CDK6: variants seen among roughly 807,000 people sequenced by gnomAD.
The protein encoded by CDK6 is cyclin dependent kinase 6.
In CDK6, 6 loss-of-function variants were observed where a neutral mutation model predicts 37.1. That is an observed-to-expected ratio of 0.16 (90% confidence interval 0.09 to 0.32). The LOEUF (loss-of-function observed/expected upper bound fraction) is 0.32. CDK6 is among the 10% of genes least tolerant of loss of function. CDK6 has a pLI of 1.00. For synonymous variants in CDK6, 160 were observed against 161.3 expected, an observed-to-expected ratio of 0.99 and a Z score of 0.06; for missense variants, 224 against 418.9, an observed-to-expected ratio of 0.53 and a Z score of 4.06.
chr7:92,613,229 T>C lies in CDK6; in HGVS notation c.*1911A>G. ...GAGAAACATCTCCTAGTTTTTTCTC[T>C]TGTTCAAGATAGTCATATATCACAT... On this transcript the variant is annotated 3_prime_UTR_variant, in exon 8 of 8. Transcript: ENST00000424848. The C allele has an allele frequency of 4.3e-6, 1 of 233,282 alleles. No homozygotes were observed. Among genetic ancestry groups the C allele is most frequent in the East Asian group, 6.0e-5 (1 of 16,570 alleles). 14.5% of individuals were successfully genotyped at this position (233,282 alleles called of 1,614,324 possible). A position where few individuals can be genotyped will look rare whatever the true frequency, so the allele number is the denominator to read the frequency against.
At chr7:92,785,956 CT>C (rs1800121187) in intron 2 of CDK6, among the ~76,000 whole-genome samples, 1 of 152,140 alleles carries the variant, frequency 6.6e-6, no homozygotes, top group African/African-American at 2.4e-5. Context: ...TTTCCCTTGA[CT>C]AGTTAGAAAA....
intron 2 of CDK6, among the ~76,000 whole-genome samples, chr7:92,787,519 G>T (rs1049050396): frequency 1.3e-5 from 2 of 151,972 alleles, no homozygotes; most frequent in African/African-American, 4.8e-5. Flanking sequence ...TGTCCACTTA[G>T]AATATAAATT....
chr7:92,816,020 A>T (rs73408713), intron 2 of CDK6, among the ~76,000 whole-genome samples: 1 of 152,190 alleles, frequency 6.6e-6, no homozygotes, highest in Non-Finnish European at 1.5e-5. Flanking sequence ...CAACAACAAA[A>T]GAGACAAACT....
rs549799948 is a variant in CDK6, at chr7:92,786,277, CA to C, written c.234-11447del. Among the ~76,000 whole-genome samples the C allele has an allele frequency of 2.0e-3, 301 of 152,290 alleles. 3 individuals carry two copies. The highest frequency in any genetic ancestry group is 1.9e-3 in the Non-Finnish European group (128 of 68,018). On this transcript the variant is annotated intron_variant, in intron 2 of 7. Transcript: ENST00000424848. Reference sequence around the variant, plus strand: ...ACCAAGCTTTACCTACACTGTAAGCCAAAAACCTTTCATAATCACATCCTTA... The same window carrying C: ...ACCAAGCTTTACCTACACTGTAAGCCAAAACCTTTCATAATCACATCCTTA...
intron 2 of CDK6, among the ~76,000 whole-genome samples, chr7:92,812,399 T>C (rs905026253): frequency 6.6e-6 from 1 of 151,424 alleles, no homozygotes; most frequent in Non-Finnish European, 1.5e-5. Flanking sequence ...CTTCAGACTT[T>C]TAATTTAAAT....
chr7:92,636,317 G>A (rs1033382740), intron 5 of CDK6, among the ~76,000 whole-genome samples: 6 of 151,974 alleles, frequency 3.9e-5, no homozygotes, highest in Admixed American at 2.0e-4. Flanking sequence ...CCTTAGCCTC[G>A]CAAAGTGCTG....
rs567353004 is a variant in CDK6, at chr7:92,612,690, T to C, written c.*2450A>G. 1.3e-5 allele frequency: 3 copies of C among 233,058 alleles called. No homozygotes were observed. The highest frequency in any genetic ancestry group is 2.5e-5 in the Non-Finnish European group (3 of 117,994). The allele number at this position is 233,058 out of a possible 1,614,324, so 14.4% of individuals were successfully genotyped here. On this transcript the variant is annotated 3_prime_UTR_variant, in exon 8 of 8. Coordinates refer to ENST00000424848, the MANE Select transcript of CDK6 (RefSeq NM_001145306.2). ...CTAGAAATGAGTCAAAAGCAGATGC[T>C]AGGAATAAAAGTTGAGCTCTCTACT...
chr7:92,725,629 T>C lies in CDK6; in HGVS notation c.534A>G (p.Ser178=), dbSNP rs1441090717. 6.2e-7 allele frequency: 1 copy of C among 1,611,674 alleles called. No individual in the cohort carries two copies. Among genetic ancestry groups the C allele is most frequent in the African/African-American group, 1.3e-5 (1 of 74,780 alleles). The change falls in exon 4 of 8, where the codon TCA becomes TCG. Residue 178 remains serine (S), a synonymous_variant. Transcript: ENST00000424848. ...RIYSFQMALT[S]VVVTLWYRAP... ...AGGACAGCACTCTCTCACTCACCAC[T>C]GAGGTTAGAGCCATCTGGAAACTAT...
At chr7:92,767,574 T>A (rs1056321474) in intron 3 of CDK6, among the ~76,000 whole-genome samples, 3 of 152,176 alleles carry the variant, frequency 2.0e-5, no homozygotes, top group Non-Finnish European at 4.4e-5. Flanking sequence ...TGGAATATAC[T>A]CAGTATTGAC....
chr7:92,654,547 T>G (rs1473469402), intron 5 of CDK6, among the ~76,000 whole-genome samples: 1 of 152,168 alleles, frequency 6.6e-6, no homozygotes, highest in African/African-American at 2.4e-5. Context: ...CTCTTATGTC[T>G]CTGTCCCCAC....
At position 92,612,293 on chromosome 7, in the gene CDK6, A is replaced by T. The variant is rs1177670044; in HGVS notation, c.*2847T>A. On this transcript the variant is annotated 3_prime_UTR_variant, in exon 8 of 8. Coordinates refer to ENST00000424848, the MANE Select transcript of CDK6 (RefSeq NM_001145306.2). Reference sequence around the variant, plus strand: ...AACTTGCTATGAGCTGCTTCAGTGTAACCTTGGGGCAATATGCCCTTTTCA... The same window carrying T: ...AACTTGCTATGAGCTGCTTCAGTGTTACCTTGGGGCAATATGCCCTTTTCA... The T allele has an allele frequency of 8.6e-6, 2 of 233,068 alleles. No homozygotes were observed. Among genetic ancestry groups the T allele is most frequent in the Non-Finnish European group, 1.7e-5 (2 of 117,988 alleles). 14.4% of individuals were successfully genotyped at this position (233,068 alleles called of 1,614,324 possible).
chr7:92,815,095 C>A (rs1800994245), intron 2 of CDK6, among the ~76,000 whole-genome samples: 1 of 152,162 alleles, frequency 6.6e-6, no homozygotes, highest in Admixed American at 6.5e-5. Flanking sequence ...AGAAGGGCAG[C>A]CATTTTCTTC....
In CDK6 at chr7:92,607,957, A is replaced by C. The variant is rs960933167; in HGVS notation, c.*7183T>G. 2 of 233,474 alleles carry C rather than the reference A, an allele frequency of 8.6e-6. No individual in the cohort carries two copies. Among genetic ancestry groups the C allele is most frequent in the Non-Finnish European group, 1.7e-5 (2 of 117,936 alleles). 14.5% of individuals were successfully genotyped at this position (233,474 alleles called of 1,614,324 possible). On this transcript the variant is annotated 3_prime_UTR_variant, in exon 8 of 8. Transcript: ENST00000424848. ...GGATTTGTTTTATTATTCAGACTTT[A>C]AGATCAAACTGAGAGTTGTTGGTGA...
Position 92,610,752 on chromosome 7 carries a change from G to A in CDK6, c.*4388C>T, listed in dbSNP as rs1046339746. The A allele has an allele frequency of 2.2e-5, 5 of 228,006 alleles. No individual in the cohort carries two copies. The highest frequency in any genetic ancestry group is 3.5e-5 in the Non-Finnish European group (4 of 114,910). 14.1% of individuals were successfully genotyped at this position (228,006 alleles called of 1,614,324 possible). ...TTTTTCCACTGTGGAGATGGAACAT[G>A]TAAATATCTTCCTAATTATATACCC... On this transcript the variant is annotated 3_prime_UTR_variant, in exon 8 of 8. Transcript: ENST00000424848.
At position 92,616,594 on chromosome 7, in the gene CDK6, G is replaced by A. The variant is rs531059362; in HGVS notation, c.835-1308C>T. Among the ~76,000 whole-genome samples, 13 of 152,282 alleles carry A rather than the reference G, an allele frequency of 8.5e-5. No individual in the cohort carries two copies. In the East Asian group the frequency reaches 9.7e-4, roughly 11 times the overall value. On this transcript the variant is annotated intron_variant, in intron 7 of 7. Transcript: ENST00000424848. ...GCAAGGGCTGAATTCCCAAAGGACC[G>A]GAAAGCAGGGGCAAAATTCCTGAGC... is the stretch of plus-strand genomic sequence containing the variant.
intron 2 of CDK6, among the ~76,000 whole-genome samples, chr7:92,802,850 C>A (rs1384300913): frequency 6.6e-6 from 1 of 152,140 alleles, no homozygotes; most frequent in African/African-American, 2.4e-5. Flanking sequence ...GAATGTTTAG[C>A]AGCTTCCCTC....
At chr7:92,741,331 G>C (rs142639696) in intron 3 of CDK6, among the ~76,000 whole-genome samples, 147 of 152,290 alleles carry the variant, frequency 9.7e-4, no homozygotes, top group Middle Eastern at 6.8e-3. Flanking sequence ...GGACACTAAG[G>C]TAAATTTGCA....
chr7:92,631,278 C>G (rs190124908), intron 5 of CDK6, among the ~76,000 whole-genome samples: 2 of 152,106 alleles, frequency 1.3e-5, no homozygotes, highest in African/African-American at 4.8e-5. Flanking sequence ...CCTCTCTGTC[C>G]CAGGCAAACT....
At chr7:92,653,715 A>G (rs1294703368) in intron 5 of CDK6, among the ~76,000 whole-genome samples, 1 of 152,196 alleles carries the variant, frequency 6.6e-6, no homozygotes, top group Non-Finnish European at 1.5e-5. Flanking sequence ...TCCTCAGTTT[A>G]GGAACATGTT....
Sources: gnomAD v4.1 joint callset for allele counts (sites outside exome capture counted in the v4.1 genomes callset) on GRCh38, gnomAD v4.1.1 for gene constraint, MANE v1.5 for transcripts, NCBI Gene and HGNC (gene_info 2026-07-23, HGNC 2026-07-21) for gene names.